TENM3: variants seen among roughly 807,000 people sequenced by gnomAD.
TENM3 encodes teneurin transmembrane protein 3.
A neutral mutation model predicts 255.1 loss-of-function variants in TENM3; 63 were observed. The ratio of observed to expected loss-of-function variants is 0.25; its 90% CI spans 0.20 to 0.30. TENM3 has a LOEUF of 0.30. Ranked by LOEUF, TENM3 falls within the 10% of genes least tolerant of loss-of-function variation. TENM3 has a pLI of 1.00. For missense variants in TENM3, 2,929 were observed against 3,461.1 expected, an observed-to-expected ratio of 0.85 and a Z score of 3.86; for synonymous variants, 1,306 against 1,322.3, an observed-to-expected ratio of 0.99 and a Z score of 0.27.
At chr4:182,567,368 G>C (rs1743896341) in intron 3 of TENM3, among the ~76,000 whole-genome samples, 1 of 152,074 alleles carries the variant, frequency 6.6e-6, no homozygotes, top group South Asian at 2.1e-4. Flanking sequence ...CCCGTCCCAT[G>C]CCCACCACGT....
the TENM3 span, among the ~76,000 whole-genome samples, chr4:182,005,055 T>G: frequency 6.6e-6 from 1 of 152,178 alleles, no homozygotes; most frequent in Admixed American, 6.5e-5. Context: ...TTTGCTGTGC[T>G]GAAGCTCTTT....
At chr4:181,472,284 C>T in the TENM3 span, among the ~76,000 whole-genome samples, 1 of 152,108 alleles carries the variant, frequency 6.6e-6, no homozygotes, top group Non-Finnish European at 1.5e-5. Flanking sequence ...GAGATGGAAA[C>T]ACAGGGGAGG....
At chr4:181,985,422 G>C in the TENM3 span, among the ~76,000 whole-genome samples, 11 of 152,064 alleles carry the variant, frequency 7.2e-5, no homozygotes, top group East Asian at 2.1e-3. Flanking sequence ...TTATCACTAG[G>C]TAAAATAATC....
At chr4:182,506,853 G>C (rs769617929) in intron 3 of TENM3, among the ~76,000 whole-genome samples, 1 of 152,014 alleles carries the variant, frequency 6.6e-6, no homozygotes, top group South Asian at 2.1e-4. Flanking sequence ...GTACTTAAAC[G>C]GTCAATTCGA....
chr4:181,684,448 A>G, the TENM3 span, among the ~76,000 whole-genome samples: 14 of 152,154 alleles, frequency 9.2e-5, no homozygotes, highest in Admixed American at 6.6e-4. Context: ...ATTCACTTAA[A>G]TCATCTCTTG....
intron 3 of TENM3, among the ~76,000 whole-genome samples, chr4:182,424,170 T>C (rs1771037408): frequency 6.6e-6 from 1 of 152,188 alleles, no homozygotes; most frequent in Non-Finnish European, 1.5e-5. Context: ...TTTCTTTGGT[T>C]GCAGTATCTA....
intron 22 of TENM3, among the ~76,000 whole-genome samples, chr4:182,762,202 C>G (rs1283081697): frequency 6.6e-6 from 1 of 152,230 alleles, no homozygotes; most frequent in Admixed American, 6.5e-5. Context: ...GTTGAATTAA[C>G]TCTTTCAGGG....
the TENM3 span, among the ~76,000 whole-genome samples, chr4:181,895,641 C>A: frequency 2.1e-5 from 3 of 145,396 alleles, no homozygotes; most frequent in African/African-American, 7.6e-5. Flanking sequence ...AACTCCTAGG[C>A]TCAAGCAATC....
chr4:182,726,125 T>C (rs2152702952), intron 13 of TENM3, among the ~76,000 whole-genome samples: 1 of 152,312 alleles, frequency 6.6e-6, no homozygotes, highest in South Asian at 2.1e-4. Flanking sequence ...ATGGAAATTA[T>C]GGTAACAAAA....
chr4:182,748,518 C>G (rs1762162787), intron 19 of TENM3, among the ~76,000 whole-genome samples: 1 of 152,202 alleles, frequency 6.6e-6, no homozygotes, highest in Non-Finnish European at 1.5e-5. Flanking sequence ...CGAGCTCACA[C>G]TGTCAACTCT....
chr4:182,010,316 A>G, the TENM3 span, among the ~76,000 whole-genome samples: 3 of 152,332 alleles, frequency 2.0e-5, no homozygotes, highest in South Asian at 2.1e-4. Context: ...GCATACATAT[A>G]TACATTTGTA....
At chr4:181,854,621 T>C in the TENM3 span, among the ~76,000 whole-genome samples, 2 of 152,222 alleles carry the variant, frequency 1.3e-5, no homozygotes. Context: ...CCAGGAAACA[T>C]AATCTGCATG....
At chr4:182,709,047 A>G (rs1001094403) in intron 12 of TENM3, among the ~76,000 whole-genome samples, 5 of 151,954 alleles carry the variant, frequency 3.3e-5, no homozygotes, top group South Asian at 2.1e-4. Context: ...CAGTAGTGCA[A>G]TCTCACCTCA....
At chr4:182,621,692 A>AT (rs1750202427) in intron 4 of TENM3, among the ~76,000 whole-genome samples, 1 of 12,238 alleles carries the variant, frequency 8.2e-5, no homozygotes, top group African/African-American at 2.7e-4. Context: ...TATATAATAT[A>AT]TATTATATAT....
chr4:182,771,511 A>AGTC (rs1233466562), intron 22 of TENM3, among the ~76,000 whole-genome samples: 1 of 145,830 alleles, frequency 6.9e-6, no homozygotes, highest in African/African-American at 2.5e-5. Flanking sequence ...GGGGGGGGGA[A>AGTC]ATAGTACAAT....
intron 3 of TENM3, among the ~76,000 whole-genome samples, chr4:182,383,437 G>A (rs1025214954): frequency 3.3e-5 from 5 of 152,112 alleles, no homozygotes; most frequent in Non-Finnish European, 5.9e-5. Flanking sequence ...TTGTCAGTGT[G>A]ACAAGCAGCA....
chr4:182,034,148 T>A, the TENM3 span, among the ~76,000 whole-genome samples: 2 of 152,174 alleles, frequency 1.3e-5, no homozygotes, highest in African/African-American at 4.8e-5. Flanking sequence ...AACCATAAGA[T>A]CTCATGAGAC....
intron 2 of TENM3, among the ~76,000 whole-genome samples, chr4:182,327,981 G>T (rs1234752113): frequency 6.6e-6 from 1 of 152,126 alleles, no homozygotes; most frequent in Non-Finnish European, 1.5e-5. Context: ...ATTCCAACAA[G>T]GAACGCTGCC....
chr4:181,767,143 T>A, the TENM3 span, among the ~76,000 whole-genome samples: 3 of 143,358 alleles, frequency 2.1e-5, no homozygotes, highest in Non-Finnish European at 4.6e-5. Flanking sequence ...TCCCAGCTAC[T>A]CGGGAGGCTG....
Sources: gnomAD v4.1 joint callset for allele counts (sites outside exome capture counted in the v4.1 genomes callset) on GRCh38, gnomAD v4.1.1 for gene constraint, MANE v1.5 for transcripts, NCBI Gene and HGNC (gene_info 2026-07-23, HGNC 2026-07-21) for gene names.